Variants in ZNF804B observed in about 807,000 individuals in gnomAD.
The protein encoded by ZNF804B is zinc finger protein 804B.
ZNF804B carries 80 observed loss-of-function variants against 101.4 expected under a neutral mutation model. The ratio of observed to expected loss-of-function variants is 0.79; its 90% confidence interval spans 0.66 to 0.95. The LOEUF (loss-of-function observed/expected upper bound fraction) is 0.95, where lower values mean the gene tolerates loss of function less well. ZNF804B is among the 40% of genes least tolerant of loss of function. The probability of loss-of-function intolerance (pLI) is 0.00; values close to 1 mark genes in which losing one functional copy is unlikely to be tolerated. For missense variants in ZNF804B, 1,673 were observed against 1,561.9 expected, an observed-to-expected ratio of 1.07 and a Z score of -1.20; for synonymous variants, 622 against 558.8, an observed-to-expected ratio of 1.11 and a Z score of -1.59.
intron 2 of ZNF804B, among the ~76,000 whole-genome samples, chr7:89,224,712 ATGTGTGTG>A (rs56064065): frequency 0.018 from 2,605 of 143,770 alleles, 40 homozygotes; most frequent in African/African-American, 0.044. Context: ...CTGGCAAAGT[ATGTGTGTG>A]TGTGTGTGTG....
At chr7:89,273,164 G>C (rs1789925450) in intron 2 of ZNF804B, among the ~76,000 whole-genome samples, 1 of 151,904 alleles carries the variant, frequency 6.6e-6, no homozygotes, top group African/African-American at 2.4e-5. Context: ...GTAGTTTTGA[G>C]GATTTTTTAC....
intron 1 of ZNF804B, among the ~76,000 whole-genome samples, chr7:89,030,311 C>G (rs1171560226): frequency 1.3e-5 from 2 of 152,118 alleles, no homozygotes; most frequent in Non-Finnish European, 1.5e-5. Context: ...AGCATATTTT[C>G]AAGGACCATA....
chr7:89,142,634 T>C (rs1323337873), intron 1 of ZNF804B, among the ~76,000 whole-genome samples: 2 of 152,170 alleles, frequency 1.3e-5, no homozygotes, highest in South Asian at 2.1e-4. Context: ...TTAAAAGCTC[T>C]ACTGTTGCCT....
chr7:88,923,321 TCTC>T (rs1397166685), intron 1 of ZNF804B, among the ~76,000 whole-genome samples: 1 of 152,110 alleles, frequency 6.6e-6, no homozygotes, highest in Non-Finnish European at 1.5e-5. Flanking sequence ...ATTAAGTCAT[TCTC>T]CTTGTTAAAA....
intron 2 of ZNF804B, among the ~76,000 whole-genome samples, chr7:89,308,387 CA>C (rs1440961641): frequency 6.6e-6 from 1 of 152,026 alleles, no homozygotes; most frequent in Non-Finnish European, 1.5e-5. Flanking sequence ...GTTTTGATAA[CA>C]AAGTCAAATT....
intron 1 of ZNF804B, among the ~76,000 whole-genome samples, chr7:88,877,043 ATATATATTTTTTTTTTT>A (rs1470401331): frequency 7.2e-5 from 3 of 41,812 alleles, no homozygotes; most frequent in East Asian, 5.7e-4. Context: ...ATATATATAT[ATATATATTTTTTTTTTT>A]TTTTTTTTTT....
chr7:89,015,077 A>G (rs1788525221), intron 1 of ZNF804B, among the ~76,000 whole-genome samples: 1 of 152,174 alleles, frequency 6.6e-6, no homozygotes, highest in Non-Finnish European at 1.5e-5. Context: ...ATAGATATCA[A>G]GTGTTCCCAG....
intron 1 of ZNF804B, among the ~76,000 whole-genome samples, chr7:88,774,202 G>GTT (rs11349793): frequency 1.1e-4 from 15 of 134,376 alleles, no homozygotes; most frequent in Non-Finnish European, 1.3e-4. Context: ...TGTTTTTTAA[G>GTT]TTTTTTTTTT....
intron 1 of ZNF804B, among the ~76,000 whole-genome samples, chr7:88,934,414 GA>G (rs1344441147): frequency 2.0e-5 from 3 of 151,786 alleles, no homozygotes; most frequent in Non-Finnish European, 4.4e-5. Context: ...TTAATAAAAT[GA>G]AAAACTTTCT....
At chr7:88,877,039 A>ATAATATT in intron 1 of ZNF804B, among the ~76,000 whole-genome samples, 1 of 44,506 alleles carries the variant, frequency 2.2e-5, no homozygotes, top group Non-Finnish European at 4.2e-5. Context: ...ATATATATAT[A>ATAATATT]TATATATATA....
chr7:89,019,220 T>C (rs1022641572), intron 1 of ZNF804B, among the ~76,000 whole-genome samples: 1 of 152,076 alleles, frequency 6.6e-6, no homozygotes, highest in Non-Finnish European at 1.5e-5. Context: ...TAAATTTCCT[T>C]CTCAGTTTCT....
intron 2 of ZNF804B, among the ~76,000 whole-genome samples, chr7:89,279,651 C>T (rs1439146949): frequency 6.6e-5 from 10 of 152,188 alleles, no homozygotes; most frequent in Middle Eastern, 3.4e-3. Context: ...TGCTGGATTA[C>T]GTTTATTGAT....
intron 1 of ZNF804B, among the ~76,000 whole-genome samples, chr7:88,901,415 A>C (rs961869426): frequency 5.3e-5 from 8 of 151,906 alleles, no homozygotes; most frequent in African/African-American, 1.9e-4. Context: ...TCTTAGGATG[A>C]GTGTTTATTT....
chr7:88,840,414 C>G (rs1362421790), intron 1 of ZNF804B, among the ~76,000 whole-genome samples: 1 of 152,114 alleles, frequency 6.6e-6, no homozygotes, highest in Admixed American at 6.6e-5. Flanking sequence ...GTAACAATAT[C>G]TAGCCTTGTT....
In ZNF804B at chr7:88,825,120, G is replaced by A. The variant is rs73393461; in HGVS notation, c.108+65036G>A. On this transcript the variant is annotated intron_variant, in intron 1 of 3. Transcript: ENST00000333190. The stretch of plus-strand genomic sequence containing the variant: ...CCATTTCAAAAAATTGGATGGAAGC[G>A]TGGATTGGGGAGTGCAGAAGGAGCT... Among the ~76,000 whole-genome samples the A allele has an allele frequency of 2.6e-3, 389 of 152,238 alleles. 3 individuals carry two copies. The highest frequency in any genetic ancestry group is 9.0e-3 in the African/African-American group (374 of 41,560).
intron 1 of ZNF804B, among the ~76,000 whole-genome samples, chr7:88,839,162 T>A (rs781218746): frequency 1.3e-5 from 2 of 151,998 alleles, no homozygotes; most frequent in Non-Finnish European, 2.9e-5. Context: ...GGCCAGTTTA[T>A]TTTTACCTGC....
At chr7:89,331,885 A>G (rs1584129759) in intron 3 of ZNF804B, among the ~76,000 whole-genome samples, 1 of 151,634 alleles carries the variant, frequency 6.6e-6, no homozygotes, top group East Asian at 1.9e-4. Context: ...AGATAAATCA[A>G]GGGAAAAAAA....
chr7:88,760,134 CAAACAA>C, intron 1 of ZNF804B, 50 bp downstream of exon 1: 1 of 1,465,902 alleles, frequency 6.8e-7, no homozygotes, highest in East Asian at 2.3e-5. Flanking sequence ...CAACTCAACA[CAAACAA>C]AAAGATATTG....
chr7:88,787,933 C>G (rs965884856), intron 1 of ZNF804B, among the ~76,000 whole-genome samples: 1 of 152,076 alleles, frequency 6.6e-6, no homozygotes, highest in African/African-American at 2.4e-5. Flanking sequence ...AATGGGAACA[C>G]TGTGGAAAAC....
Sources: allele counts gnomAD v4.1 joint callset (sites outside exome capture counted in the v4.1 genomes callset), GRCh38; gene constraint gnomAD v4.1.1; transcripts MANE v1.5; gene names NCBI Gene and HGNC (gene_info 2026-07-23, HGNC 2026-07-21).